The following C9orf153 variants were observed in gnomAD, a reference collection of about 807,000 sequenced individuals.
C9orf153 encodes the protein uncharacterized protein C9orf153.
Under a neutral mutation model 9.0 loss-of-function variants are expected in C9orf153, and 10 were observed. The observed-to-expected ratio is 1.11, with a 90% confidence interval of 0.69 to 1.89. The LOEUF (loss-of-function observed/expected upper bound fraction) is 1.89, where lower values mean the gene tolerates loss of function less well. Ranked by LOEUF, C9orf153 falls within the 40% of genes most tolerant of loss-of-function variation. The pLI, the probability that C9orf153 is intolerant of heterozygous loss-of-function variation, is 0.00. For synonymous variants in C9orf153, 35 were observed against 37.3 expected, an observed-to-expected ratio of 0.94 and a Z score of 0.23; for missense variants, 108 against 111.0, an observed-to-expected ratio of 0.97 and a Z score of 0.12.
intron 1 of C9orf153, among the ~76,000 whole-genome samples, chr9:86,238,987 C>T (rs1294848431): frequency 1.3e-5 from 2 of 150,910 alleles, no homozygotes; most frequent in Non-Finnish European, 2.9e-5. Context: ...CATATATGGG[C>T]CAGGTGGCTC....
chr9:86,225,908 G>A (rs948051776), intron 3 of C9orf153, among the ~76,000 whole-genome samples: 1 of 152,220 alleles, frequency 6.6e-6, no homozygotes, highest in Non-Finnish European at 1.5e-5. Context: ...GAGACCTCCA[G>A]AAGTTAGGTA....
chr9:86,227,624 C>T, intron 3 of C9orf153: 1 of 985,324 alleles, frequency 1.0e-6, no homozygotes, highest in Non-Finnish European at 1.2e-6. Flanking sequence ...GCCTAAGCTG[C>T]ATAAGATTTT....
intron 1 of C9orf153, among the ~76,000 whole-genome samples, chr9:86,239,103 T>C (rs1199561373): frequency 1.3e-5 from 2 of 151,756 alleles, no homozygotes; most frequent in Non-Finnish European, 2.9e-5. Flanking sequence ...CTACTAAAAA[T>C]ACAAAAAATT....
intron 1 of C9orf153, among the ~76,000 whole-genome samples, chr9:86,234,513 T>C (rs1824537555): frequency 6.6e-6 from 1 of 152,166 alleles, no homozygotes; most frequent in Non-Finnish European, 1.5e-5. Context: ...TATCCACACA[T>C]AGAAGAATGA....
intron 2 of C9orf153, among the ~76,000 whole-genome samples, chr9:86,228,434 C>T (rs528475110): frequency 6.5e-4 from 99 of 152,188 alleles, no homozygotes; most frequent in African/African-American, 2.2e-3. Context: ...AGGAAGAAAG[C>T]GAGCCAGATC....
intron 1 of C9orf153, among the ~76,000 whole-genome samples, chr9:86,241,206 C>T (rs6559916): frequency 0.96 from 145,431 of 152,232 alleles, 69,515 homozygotes; most frequent in East Asian, 1. Flanking sequence ...CCGCCTTATA[C>T]TATTTTTACA....
chr9:86,258,807 C>G (rs1450173242), intron 1 of C9orf153, among the ~76,000 whole-genome samples: 1 of 151,734 alleles, frequency 6.6e-6, no homozygotes, highest in Non-Finnish European at 1.5e-5. Flanking sequence ...TTCCCACAAC[C>G]CCCCTTCTCT....
intron 1 of C9orf153, among the ~76,000 whole-genome samples, chr9:86,257,026 G>A (rs756670231): frequency 6.6e-6 from 1 of 151,992 alleles, no homozygotes; most frequent in Admixed American, 6.6e-5. Flanking sequence ...AGAAGCTTAC[G>A]GTATTTTAAT....
intron 1 of C9orf153, among the ~76,000 whole-genome samples, chr9:86,236,461 A>G (rs1213951694): frequency 6.7e-6 from 1 of 148,720 alleles, no homozygotes; most frequent in African/African-American, 2.5e-5. Flanking sequence ...AGGCAGGAGA[A>G]TTGCTTGAAC....
chr9:86,227,192 G>A lies in C9orf153; in HGVS notation c.242+663C>T, dbSNP rs189416383. The A allele has an allele frequency of 5.1e-4, 415 of 809,160 alleles. 8 individuals are homozygous for A. In the East Asian group the frequency reaches 0.014, roughly 27 times the overall value. The allele number at this position is 809,160 out of a possible 1,614,324, so 50.1% of individuals were successfully genotyped here. On this transcript the variant is annotated intron_variant, in intron 3 of 3. Transcript: ENST00000339137. ...GACAGGGTCTTGCTCTGTTGCCAAG[G>A]CTGAAATGCAGTGGTGTGATCATAG... is the stretch of plus-strand genomic sequence containing the variant.
Position 86,221,685 on chromosome 9 carries a change from C to A in C9orf153, c.*3G>T, listed in dbSNP as rs1824206751. On this transcript the variant is annotated 3_prime_UTR_variant, in exon 4 of 4. Transcript: ENST00000339137. ...AGTAGTGCGCCTCCACTTCGCAAGC[C>A]CCTTAAAATATCTCCATTCCAGATC... 6.5e-7 allele frequency: 1 copy of A among 1,549,456 alleles called. No individual in the cohort carries two copies. Among genetic ancestry groups the A allele is most frequent in the African/African-American group, 1.4e-5 (1 of 72,870 alleles).
intron 1 of C9orf153, among the ~76,000 whole-genome samples, chr9:86,257,568 G>A (rs1825148365): frequency 6.6e-6 from 1 of 152,108 alleles, no homozygotes; most frequent in Non-Finnish European, 1.5e-5. Context: ...TGATTTCCTT[G>A]ATCCCTTACC....
At chr9:86,222,299 G>T (rs1167272807) in intron 3 of C9orf153, among the ~76,000 whole-genome samples, 1 of 152,110 alleles carries the variant, frequency 6.6e-6, no homozygotes, top group Non-Finnish European at 1.5e-5. Flanking sequence ...ACCCTGCAGA[G>T]CCCCGGCAGG....
intron 1 of C9orf153, among the ~76,000 whole-genome samples, chr9:86,244,857 C>G (rs1373001232): frequency 6.6e-6 from 1 of 152,210 alleles, no homozygotes; most frequent in Non-Finnish European, 1.5e-5. Flanking sequence ...ACAACATACT[C>G]TATTGTCATT....
chr9:86,229,046 G>A, intron 2 of C9orf153: 1 of 182,182 alleles, frequency 5.5e-6, no homozygotes. Flanking sequence ...AGTCTGTTTT[G>A]TTAGTTTACC....
chr9:86,226,533 C>T (rs887159572), intron 3 of C9orf153, among the ~76,000 whole-genome samples: 6 of 151,828 alleles, frequency 4.0e-5, no homozygotes, highest in African/African-American at 1.2e-4. Flanking sequence ...CATATTGCCC[C>T]GTCCCACTAC....
intron 1 of C9orf153, among the ~76,000 whole-genome samples, chr9:86,230,726 A>G (rs1824451544): frequency 6.6e-6 from 1 of 152,258 alleles, no homozygotes; most frequent in Non-Finnish European, 1.5e-5. Flanking sequence ...ATATGTAATG[A>G]TAATAATAAA....
intron 1 of C9orf153, among the ~76,000 whole-genome samples, chr9:86,232,780 T>C (rs1824500673): frequency 6.6e-6 from 1 of 152,186 alleles, no homozygotes. Flanking sequence ...TCACCCAGGC[T>C]GGAGTACAGT....
intron 1 of C9orf153, chr9:86,258,682 C>T (rs1452016672): frequency 2.0e-5 from 3 of 152,154 alleles, no homozygotes; most frequent in South Asian, 2.1e-4. Context: ...TATTTGAAAA[C>T]CTGAATTTTC....
Sources: allele counts gnomAD v4.1 joint callset (sites outside exome capture counted in the v4.1 genomes callset), GRCh38; gene constraint gnomAD v4.1.1; transcripts MANE v1.5; gene names NCBI Gene and HGNC (gene_info 2026-07-23, HGNC 2026-07-21).